The following SDR9C7 variants were observed in gnomAD, a reference collection of about 807,000 sequenced individuals.
The protein encoded by SDR9C7 is short-chain dehydrogenase/reductase family 9C member 7.
Under a neutral mutation model 23.6 loss-of-function variants are expected in SDR9C7, and 11 were observed. That is an observed-to-expected ratio of 0.47 (90% CI 0.29 to 0.77). SDR9C7 has a LOEUF of 0.77. Ranked by LOEUF, SDR9C7 falls within the 30% of genes least tolerant of loss-of-function variation. SDR9C7 has a pLI of 0.09. For synonymous variants in SDR9C7, 167 were observed against 157.3 expected (o/e 1.06, Z -0.46); for missense variants, 387 against 407.1 (o/e 0.95, Z 0.42).
intron 3 of SDR9C7, among the ~76,000 whole-genome samples, chr12:56,928,269 C>T (rs1955746901): frequency 6.6e-6 from 1 of 152,114 alleles, no homozygotes; most frequent in South Asian, 2.1e-4. Context: ...AGTTTTCTGC[C>T]TCAGAGCCTT....
chr12:56,928,820 G>C (rs1592422806), intron 3 of SDR9C7, among the ~76,000 whole-genome samples: 1 of 152,130 alleles, frequency 6.6e-6, no homozygotes, highest in Admixed American at 6.5e-5. Flanking sequence ...GAGACCCTCA[G>C]CTCAGGGAAA....
chr12:56,934,203 A>G lies in SDR9C7; in HGVS notation c.59T>C (p.Val20Ala), dbSNP rs1955784781. The G allele has an allele frequency of 6.2e-7, 1 of 1,614,202 alleles. No homozygotes were observed. The highest frequency in any genetic ancestry group is 8.5e-7 in the Non-Finnish European group (1 of 1,180,032). The change falls in exon 1 of 4, where the codon GTT (valine) becomes GCT (alanine). Residue 20 changes from valine to alanine, a missense_variant. Val to Ala is a moderately conservative substitution (Grantham distance 64, BLOSUM62 0). Coordinates refer to ENST00000293502, the MANE Select transcript of SDR9C7 (RefSeq NM_148897.3). ...GACGTACTTCTCTGAGAGGTTGCCAACCAGATTGCAGTTCTTGAACCAGCG... is the reference window on the plus strand; with the variant it reads ...GACGTACTTCTCTGAGAGGTTGCCAGCCAGATTGCAGTTCTTGAACCAGCG... ...MYRWFKNCNL[V>A]GNLSEKYVFI...
At position 56,934,169 on chromosome 12, in the gene SDR9C7, T is replaced by G; in HGVS notation, c.93A>C (p.Thr31=). 6.2e-7 allele frequency: 1 copy of G among 1,614,208 alleles called. No homozygotes were observed. The highest frequency in any genetic ancestry group is 8.5e-7 in the Non-Finnish European group (1 of 1,180,034). The change falls in exon 1 of 4, where the codon ACA becomes ACC. Residue 31 remains threonine, a synonymous_variant. Transcript: ENST00000293502. ...GNLSEKYVFI[T]GCDSGFGNLL... ...GGTTCCCGAAGCCAGAGTCACAGCC[T>G]GTGATGAAGACGTACTTCTCTGAGA...
chr12:56,932,276 A>C (rs147901592), intron 1 of SDR9C7, among the ~76,000 whole-genome samples: 1 of 152,352 alleles, frequency 6.6e-6, no homozygotes, highest in African/African-American at 2.4e-5. Context: ...AAGAGGCAGA[A>C]ACCGGAGAAT....
Position 56,934,126 on chromosome 12 carries a change from C to G in SDR9C7, c.136G>C (p.Val46Leu). The G allele has an allele frequency of 1.2e-6, 2 of 1,614,224 alleles. No individual in the cohort carries two copies. Among genetic ancestry groups the G allele is most frequent in the South Asian group, 2.2e-5 (2 of 91,084 alleles). Residue 46 changes from valine (V) to leucine (L), a missense_variant, in exon 1 of 4, where the codon GTT becomes CTT. Val to Leu is a conservative substitution (Grantham distance 32). Coordinates refer to ENST00000293502, the MANE Select transcript of SDR9C7 (RefSeq NM_148897.3). ...GCCAGCACCTGCATGCCCCGATCAA[C>G]CAGCTGTTTGGCCAGCAGGTTCCCG... ...GFGNLLAKQLVDRGMQVLAAC... is the reference protein window; with the variant it reads ...GFGNLLAKQLLDRGMQVLAAC...
In SDR9C7 at chr12:56,923,778, GTCCT is replaced by G; in HGVS notation, c.*51_*54del. 7.2e-7 allele frequency: 1 copy of G among 1,382,226 alleles called. No individual in the cohort carries two copies. The highest frequency in any genetic ancestry group is 1.4e-5 in the South Asian group (1 of 72,424). The allele number at this position is 1,382,226 out of a possible 1,614,324, so 85.6% of individuals were successfully genotyped here. The stretch of plus-strand genomic sequence containing the variant: ...CGATACCACCTTTTGTGACCCCACG[GTCCT>G]TCCTTCCTCCCCCACTTCTAGGCTC... On this transcript the variant is annotated 3_prime_UTR_variant, in exon 4 of 4. Transcript: ENST00000293502.
chr12:56,930,729 T>G (rs11172069), intron 1 of SDR9C7, among the ~76,000 whole-genome samples: 11,182 of 152,338 alleles, frequency 0.073, 461 homozygotes, highest in Middle Eastern at 0.14. Context: ...AATCGAGGTG[T>G]TAGGTGACAG....
intron 3 of SDR9C7, among the ~76,000 whole-genome samples, chr12:56,924,410 C>T (rs1955718558): frequency 6.6e-6 from 1 of 151,544 alleles, no homozygotes; most frequent in Non-Finnish European, 1.5e-5. Context: ...GCCTGGGAAA[C>T]AGAATGACAC....
intron 1 of SDR9C7, among the ~76,000 whole-genome samples, chr12:56,933,352 C>A (rs917375238): frequency 6.6e-6 from 1 of 152,076 alleles, no homozygotes; most frequent in Non-Finnish European, 1.5e-5. Flanking sequence ...AGAGGCACAT[C>A]CTTTTTTTTT....
intron 3 of SDR9C7, among the ~76,000 whole-genome samples, chr12:56,927,932 T>C (rs1180204089): frequency 6.6e-6 from 1 of 152,250 alleles, no homozygotes; most frequent in South Asian, 2.1e-4. Context: ...ATAATTTGCA[T>C]TGGATCTTCT....
At chr12:56,924,101 T>G (rs1955716505) in intron 3 of SDR9C7, 51 bp from the exon 4 acceptor site, 2 of 1,330,578 alleles carry the variant, frequency 1.5e-6, no homozygotes, top group African/African-American at 2.9e-5. Context: ...TCATAAAAGA[T>G]GGCTTCTTCC....
chr12:56,930,155 G>A, intron 2 of SDR9C7, 71 bp downstream of exon 2: 1 of 1,547,576 alleles, frequency 6.5e-7, no homozygotes, highest in Non-Finnish European at 8.8e-7. Flanking sequence ...CTGCCCACAT[G>A]CTGTCACTCC....
chr12:56,932,054 C>T (rs1955771571), intron 1 of SDR9C7, among the ~76,000 whole-genome samples: 1 of 152,184 alleles, frequency 6.6e-6, no homozygotes, highest in Admixed American at 6.5e-5. Flanking sequence ...TGCCAAGTGG[C>T]TTAGGCAAAA....
At chr12:56,928,285 A>G (rs535436569) in intron 3 of SDR9C7, among the ~76,000 whole-genome samples, 67 of 152,242 alleles carry the variant, frequency 4.4e-4, no homozygotes, top group African/African-American at 1.5e-3. Context: ...GCCTTCCTGC[A>G]GAAAAAAAGT....
intron 1 of SDR9C7, among the ~76,000 whole-genome samples, chr12:56,932,209 G>A (rs77551160): frequency 7.5e-5 from 1 of 13,280 alleles, no homozygotes; most frequent in African/African-American, 3.3e-3. Context: ...AAGCTAACAC[G>A]GGAAATTATC....
At chr12:56,926,288 C>G (rs565320422) in intron 3 of SDR9C7, among the ~76,000 whole-genome samples, 3 of 152,196 alleles carry the variant, frequency 2.0e-5, no homozygotes, top group African/African-American at 2.4e-5. Context: ...AGCCACCCCC[C>G]ACCACCAGAA....
At chr12:56,927,062 C>T (rs1955738962) in intron 3 of SDR9C7, among the ~76,000 whole-genome samples, 1 of 152,188 alleles carries the variant, frequency 6.6e-6, no homozygotes, top group Admixed American at 6.5e-5. Context: ...TCTAGTATAA[C>T]CACTTGGGAA....
At chr12:56,926,564 G>T (rs1955735716) in intron 3 of SDR9C7, among the ~76,000 whole-genome samples, 1 of 152,166 alleles carries the variant, frequency 6.6e-6, no homozygotes, top group South Asian at 2.1e-4. Flanking sequence ...CAATGGCAAA[G>T]GTTTGTTCAG....
rs747634505 is a variant in SDR9C7 at position 56,923,792 on chromosome 12, C to A, written c.*41G>T. The A allele has an allele frequency of 2.1e-6, 3 of 1,448,054 alleles. No homozygotes were observed. The Admixed American group carries it at 6.3e-5, about 31-fold the overall frequency. 89.7% of individuals were successfully genotyped at this position (1,448,054 alleles called of 1,614,324 possible). On this transcript the variant is annotated 3_prime_UTR_variant, in exon 4 of 4. Coordinates refer to ENST00000293502, the MANE Select transcript of SDR9C7 (RefSeq NM_148897.3). ...GTGACCCCACGGTCCTTCCTTCCTC[C>A]CCCACTTCTAGGCTCCACTGACCCA...
Sources: allele counts gnomAD v4.1 joint callset (sites outside exome capture counted in the v4.1 genomes callset), GRCh38; gene constraint gnomAD v4.1.1; transcripts MANE v1.5; gene names NCBI Gene and HGNC (gene_info 2026-07-23, HGNC 2026-07-21).